RUFY2: variants seen among roughly 807,000 people sequenced by gnomAD.
RUFY2 encodes the protein RUN and FYVE domain-containing protein 2.
RUFY2 carries 49 observed loss-of-function variants against 94.4 expected under a neutral mutation model. That is an observed-to-expected ratio of 0.52 (90% confidence interval 0.41 to 0.66). The LOEUF is 0.66. RUFY2 is among the 30% of genes least tolerant of loss of function. The pLI, the probability that RUFY2 is intolerant of heterozygous loss-of-function variation, is 0.00. For synonymous variants in RUFY2, 255 were observed against 235.7 expected, an observed-to-expected ratio of 1.08 and a Z score of -0.75; for missense variants, 541 against 692.8, an observed-to-expected ratio of 0.78 and a Z score of 2.46.
rs2046136635 is a variant in RUFY2, at chr10:68,344,072, T to G, written c.*1696A>C. 6.6e-6 allele frequency: 1 copy of G among 152,192 alleles called. No individual in the cohort carries two copies. Among genetic ancestry groups the G allele is most frequent in the South Asian group, 2.1e-4 (1 of 4,836 alleles). 9.4% of individuals were successfully genotyped at this position (152,192 alleles called of 1,614,324 possible). On this transcript the variant is annotated 3_prime_UTR_variant, in exon 18 of 18. Transcript: ENST00000602465. ...CTATCAATACAAAATGGTTCAAGAATATAATCCTCTCTTGAGGACATTTCT... is the reference window on the plus strand; with the variant it reads ...CTATCAATACAAAATGGTTCAAGAAGATAATCCTCTCTTGAGGACATTTCT...
At chr10:68,378,041 G>A in intron 12 of RUFY2, 1 of 985,470 alleles carries the variant, frequency 1.0e-6, no homozygotes, top group Non-Finnish European at 1.2e-6. Context: ...AGAAGTCAGA[G>A]TGAGGTAGGC....
In RUFY2 at chr10:68,378,329, G is replaced by A. The variant is rs1319542935; in HGVS notation, c.1205+1095C>T. 4.2e-6 allele frequency: 5 copies of A among 1,200,238 alleles called. No individual in the cohort carries two copies. The Admixed American group carries it at 1.3e-4, about 31-fold the overall frequency. The allele number at this position is 1,200,238 out of a possible 1,614,324, so 74.3% of individuals were successfully genotyped here. A position where few individuals can be genotyped will look rare whatever the true frequency, so the allele number is the denominator to read the frequency against. Reference sequence around the variant, plus strand: ...CATTTGAAAATCCTGACCTCCAAAGGGTCAATACTCAAATCACCCTTTGTG... The same window carrying A: ...CATTTGAAAATCCTGACCTCCAAAGAGTCAATACTCAAATCACCCTTTGTG... On this transcript the variant is annotated intron_variant, in intron 12 of 17. Coordinates refer to ENST00000602465, the MANE Select transcript of RUFY2 (RefSeq NM_001330103.2).
chr10:68,341,902 T>TTAAAG, downstream of RUFY2: 1 of 1,593,706 alleles, frequency 6.3e-7, no homozygotes, highest in Non-Finnish European at 8.6e-7. Context: ...AGTGCAAACT[T>TTAAAG]TAAAGTGCAG....
intron 7 of RUFY2, among the ~76,000 whole-genome samples, chr10:68,390,040 C>T (rs2049860278): frequency 6.6e-6 from 1 of 151,984 alleles, no homozygotes; most frequent in African/African-American, 2.4e-5. Context: ...AAGTTTGAGC[C>T]ATATGAATAT....
chr10:68,377,054 A>T (rs1182243323), intron 12 of RUFY2, 82 bp from the exon 13 acceptor site: 1 of 1,566,960 alleles, frequency 6.4e-7, no homozygotes, highest in African/African-American at 1.4e-5. Context: ...ATAAAAGAAA[A>T]ATGGGGAAAT....
chr10:68,348,860 G>A (rs1174388078), intron 16 of RUFY2, among the ~76,000 whole-genome samples: 2 of 152,136 alleles, frequency 1.3e-5, no homozygotes, highest in Non-Finnish European at 2.9e-5. Context: ...GCCTGCTCAA[G>A]GAAACAGCCG....
chr10:68,370,200 G>A lies in RUFY2; in HGVS notation c.1326-6087C>T, dbSNP rs192034141. ...CTAAAGAGGCTGAGGCACAAGAATCGCTAGAACCGGGGAGGCAGAGGTTGC... is the reference window on the plus strand; with the variant it reads ...CTAAAGAGGCTGAGGCACAAGAATCACTAGAACCGGGGAGGCAGAGGTTGC... On this transcript the variant is annotated intron_variant, in intron 13 of 17. Coordinates refer to ENST00000602465, the MANE Select transcript of RUFY2 (RefSeq NM_001330103.2). Among the ~76,000 whole-genome samples the A allele has an allele frequency of 3.3e-4, 50 of 152,162 alleles. No individual in the cohort carries two copies. The East Asian group carries it at 8.7e-3, about 26-fold the overall frequency.
chr10:68,367,528 C>G (rs35948693), intron 13 of RUFY2, among the ~76,000 whole-genome samples: 10,497 of 152,228 alleles, frequency 0.069, 539 homozygotes, highest in African/African-American at 0.14. Context: ...AATCACAGCT[C>G]ACAGCAATCT....
At chr10:68,375,973 G>A (rs1005892918) in intron 13 of RUFY2, among the ~76,000 whole-genome samples, 12 of 150,436 alleles carry the variant, frequency 8.0e-5, no homozygotes, top group Non-Finnish European at 1.6e-4. Context: ...GGTGGCACAA[G>A]CCTGTAGTCC....
Position 68,386,509 on chromosome 10 carries a change from C to A in RUFY2, c.651-381G>T, listed in dbSNP as rs2049508236. 2.0e-5 allele frequency among the ~76,000 whole-genome samples: 3 copies of A among 152,130 alleles called. No homozygotes were observed. In the South Asian group the frequency reaches 6.2e-4, roughly 32 times the overall value. ...GGTTTACAGGCGTGCGCCACCATGC[C>A]CGGCTAATTTTTGTATTTTTAGTAG... On this transcript the variant is annotated intron_variant, in intron 7 of 17. Transcript: ENST00000602465.
downstream of RUFY2, chr10:68,342,011 G>A: frequency 6.2e-7 from 1 of 1,614,036 alleles, no homozygotes; most frequent in Non-Finnish European, 8.5e-7. Context: ...GGTTACTATG[G>A]GCAAGGCGGC....
chr10:68,405,418 T>C (rs2051213087), intron 1 of RUFY2: 1 of 942,072 alleles, frequency 1.1e-6, no homozygotes, highest in Non-Finnish European at 1.3e-6. Flanking sequence ...AAATCTGCCA[T>C]TCTCCTGTAT....
chr10:68,372,467 C>T (rs2048346087), intron 13 of RUFY2, among the ~76,000 whole-genome samples: 1 of 151,728 alleles, frequency 6.6e-6, no homozygotes, highest in African/African-American at 2.4e-5. Context: ...ATAGTCCCAG[C>T]TACTTGGGAG....
chr10:68,362,280 C>A (rs7091766), intron 15 of RUFY2, among the ~76,000 whole-genome samples: 39,874 of 152,104 alleles, frequency 0.26, 7,043 homozygotes, highest in African/African-American at 0.5. Context: ...ATGAGCTGTG[C>A]CTGCGTCACT....
chr10:68,343,365 C>G (rs574589088), downstream of RUFY2: 1 of 152,436 alleles, frequency 6.6e-6, no homozygotes, highest in African/African-American at 2.4e-5. Flanking sequence ...GTATCCACTT[C>G]CTTTAATGAG....
chr10:68,405,610 T>G (rs1385498758), intron 1 of RUFY2: 1 of 773,688 alleles, frequency 1.3e-6, no homozygotes, highest in African/African-American at 1.9e-5. Flanking sequence ...AAATAAAAGG[T>G]AGTTAAAATT....
At chr10:68,397,112 A>T (rs2050447562) in intron 3 of RUFY2, among the ~76,000 whole-genome samples, 2 of 152,236 alleles carry the variant, frequency 1.3e-5, no homozygotes, top group Admixed American at 1.3e-4. Flanking sequence ...ATGACTCTCT[A>T]AACACAGTAG....
intron 2 of RUFY2, among the ~76,000 whole-genome samples, chr10:68,403,315 G>A (rs1487519137): frequency 2.0e-5 from 3 of 151,680 alleles, no homozygotes; most frequent in East Asian, 3.9e-4. Flanking sequence ...GCAGTGGCAC[G>A]ATCTCAGCTC....
rs1213006355 is a variant in RUFY2 at position 68,345,062 on chromosome 10, AT to A, written c.*705del. ...ATTTAATGAAACAGCATATGGGAAG[AT>A]TTATAAATCAGGAAAAGAAAGATGG... On this transcript the variant is annotated 3_prime_UTR_variant, in exon 18 of 18. Transcript: ENST00000602465. 6.6e-6 allele frequency: 1 copy of A among 152,180 alleles called. No individual in the cohort carries two copies. 9.4% of individuals were successfully genotyped at this position (152,180 alleles called of 1,614,324 possible). A position where few individuals can be genotyped will look rare whatever the true frequency, so the allele number is the denominator to read the frequency against.
Sources: allele counts gnomAD v4.1 joint callset (sites outside exome capture counted in the v4.1 genomes callset), GRCh38; gene constraint gnomAD v4.1.1; transcripts MANE v1.5; gene names NCBI Gene and HGNC (gene_info 2026-07-23, HGNC 2026-07-21).